Variants in LRRIQ3 observed in about 807,000 individuals in gnomAD.
LRRIQ3 encodes leucine-rich repeat and IQ domain-containing protein 3.
Under a neutral mutation model 59.3 loss-of-function variants are expected in LRRIQ3, and 75 were observed. The observed-to-expected ratio is 1.26, with a 90% confidence interval of 1.05 to 1.53. The LOEUF (loss-of-function observed/expected upper bound fraction) is 1.53. Ranked by LOEUF, LRRIQ3 falls within the 40% of genes most tolerant of loss-of-function variation. The pLI, the probability that LRRIQ3 is intolerant of heterozygous loss-of-function variation, is 0.00. For missense variants in LRRIQ3, 831 were observed against 710.0 expected (o/e 1.17, Z -1.94); for synonymous variants, 250 against 231.3 (o/e 1.08, Z -0.73).
At chr1:74,135,558 T>C (rs1394978505) in intron 4 of LRRIQ3, among the ~76,000 whole-genome samples, 1 of 151,818 alleles carries the variant, frequency 6.6e-6, no homozygotes, top group Admixed American at 6.6e-5. Context: ...TCAGTAATCA[T>C]GGTAAAATTA....
At chr1:74,037,783 C>A (rs1426076963) in intron 7 of LRRIQ3, among the ~76,000 whole-genome samples, 3 of 152,192 alleles carry the variant, frequency 2.0e-5, no homozygotes, top group Non-Finnish European at 4.4e-5. Context: ...CCCCCACACC[C>A]CAGTCAAGGG....
Position 74,153,982 on chromosome 1 carries a change from T to A in LRRIQ3, c.707+1751A>T, listed in dbSNP as rs548164724. Reference sequence around the variant, plus strand: ...TAAGGCTGGGCGCGGTAGTTCACGCTTGTAATCCCAGCACTTTGGGGGGCC... The same window carrying A: ...TAAGGCTGGGCGCGGTAGTTCACGCATGTAATCCCAGCACTTTGGGGGGCC... On this transcript the variant is annotated intron_variant, in intron 4 of 7. Transcript: ENST00000354431. Among the ~76,000 whole-genome samples the A allele has an allele frequency of 2.6e-5, 4 of 152,070 alleles. No individual in the cohort carries two copies. The South Asian group carries it at 8.3e-4, about 32-fold the overall frequency.
chr1:74,106,347 C>T (rs981888907), intron 5 of LRRIQ3, among the ~76,000 whole-genome samples: 1 of 151,664 alleles, frequency 6.6e-6, no homozygotes, highest in Non-Finnish European at 1.5e-5. Context: ...AGGAAGCTTC[C>T]GATGTATGTG....
At chr1:74,193,867 G>T (rs761111306) in intron 1 of LRRIQ3, among the ~76,000 whole-genome samples, 27 of 151,902 alleles carry the variant, frequency 1.8e-4, no homozygotes, top group Non-Finnish European at 3.7e-4. Flanking sequence ...CATAAAAAAA[G>T]AATAAAAAGT....
intron 6 of LRRIQ3, among the ~76,000 whole-genome samples, chr1:74,056,793 T>A (rs1654548457): frequency 6.6e-6 from 1 of 152,144 alleles, no homozygotes; most frequent in Non-Finnish European, 1.5e-5. Context: ...TACTACCCGA[T>A]ATGTGTCCCC....
At position 74,166,250 on chromosome 1, in the gene LRRIQ3, C is replaced by T. The variant is rs1232956476; in HGVS notation, c.574-10384G>A. ...TTTCCTTAATAGTTATACAATTATT[C>T]AAATTATCTATTTCATGGTGGGTGA... is the stretch of plus-strand genomic sequence containing the variant. On this transcript the variant is annotated intron_variant, in intron 3 of 7. Transcript: ENST00000354431. Among the ~76,000 whole-genome samples, 3 of 151,252 alleles carry T rather than the reference C, an allele frequency of 2.0e-5. No homozygotes were observed. The South Asian group carries it at 6.2e-4, about 31-fold the overall frequency.
intron 6 of LRRIQ3, among the ~76,000 whole-genome samples, chr1:74,068,196 C>G (rs1016307334): frequency 2.6e-5 from 4 of 152,052 alleles, no homozygotes; most frequent in Admixed American, 6.6e-5. Flanking sequence ...TGTTATGATA[C>G]TAATTTCTGT....
At chr1:74,161,545 G>A (rs1648658040) in intron 3 of LRRIQ3, among the ~76,000 whole-genome samples, 1 of 151,892 alleles carries the variant, frequency 6.6e-6, no homozygotes, top group African/African-American at 2.4e-5. Context: ...AAGTGCATAA[G>A]TGGTGGCAAG....
intron 5 of LRRIQ3, among the ~76,000 whole-genome samples, chr1:74,077,351 T>A (rs1186639301): frequency 1.3e-5 from 2 of 152,008 alleles, no homozygotes; most frequent in African/African-American, 4.8e-5. Flanking sequence ...CTTTCTTCTA[T>A]ATATCTCACT....
intron 7 of LRRIQ3, among the ~76,000 whole-genome samples, chr1:74,038,313 C>T (rs1408533820): frequency 6.6e-6 from 1 of 152,134 alleles, no homozygotes; most frequent in Non-Finnish European, 1.5e-5. Context: ...GCCTGATCTC[C>T]CTGGGCCTGA....
chr1:74,092,953 G>A (rs993725218), intron 5 of LRRIQ3, among the ~76,000 whole-genome samples: 3 of 151,982 alleles, frequency 2.0e-5, no homozygotes, highest in Admixed American at 6.6e-5. Flanking sequence ...GGTCACTATC[G>A]TTAATTTGGA....
intron 4 of LRRIQ3, among the ~76,000 whole-genome samples, chr1:74,112,092 A>G (rs1646703918): frequency 6.6e-6 from 1 of 152,092 alleles, no homozygotes; most frequent in Non-Finnish European, 1.5e-5. Flanking sequence ...AGGTGAGGCA[A>G]GTTGAGAAGA....
chr1:74,125,720 T>A (rs1469856590), intron 4 of LRRIQ3, among the ~76,000 whole-genome samples: 4 of 152,004 alleles, frequency 2.6e-5, no homozygotes, highest in Non-Finnish European at 4.4e-5. Context: ...TGGTGATGAA[T>A]GCTCTTTTTA....
intron 6 of LRRIQ3, among the ~76,000 whole-genome samples, chr1:74,054,401 G>A (rs964379909): frequency 2.6e-5 from 4 of 152,084 alleles, no homozygotes; most frequent in African/African-American, 9.7e-5. Flanking sequence ...TGAATAAGGA[G>A]TGTAGAAAGG....
At chr1:74,084,178 C>T in intron 5 of LRRIQ3, 1 of 1,547,042 alleles carries the variant, frequency 6.5e-7, no homozygotes, top group Non-Finnish European at 8.7e-7. Flanking sequence ...ACACATCCAG[C>T]CCACTTCAGT....
intron 5 of LRRIQ3, among the ~76,000 whole-genome samples, chr1:74,088,756 G>T (rs964575480): frequency 9.2e-5 from 14 of 151,828 alleles, no homozygotes; most frequent in African/African-American, 3.4e-4. Context: ...GGCCTCAAGT[G>T]AAAGAATGGT....
At chr1:74,115,189 A>T (rs982598058) in intron 4 of LRRIQ3, among the ~76,000 whole-genome samples, 5 of 152,116 alleles carry the variant, frequency 3.3e-5, no homozygotes, top group Non-Finnish European at 7.4e-5. Flanking sequence ...TCATTCATTC[A>T]TTCAAAAAAC....
At chr1:74,037,781 C>A (rs141355053) in intron 7 of LRRIQ3, among the ~76,000 whole-genome samples, 2 of 152,198 alleles carry the variant, frequency 1.3e-5, no homozygotes, top group Non-Finnish European at 2.9e-5. Flanking sequence ...AGCCCCCACA[C>A]CCCAGTCAAG....
intron 4 of LRRIQ3, among the ~76,000 whole-genome samples, chr1:74,116,392 C>T (rs985437850): frequency 6.6e-5 from 10 of 151,852 alleles, no homozygotes; most frequent in Admixed American, 5.3e-4. Context: ...ATTAACAGTT[C>T]TCTGAAATGA....
Sources: gnomAD v4.1 joint callset for allele counts (sites outside exome capture counted in the v4.1 genomes callset) on GRCh38, gnomAD v4.1.1 for gene constraint, MANE v1.5 for transcripts, NCBI Gene and HGNC (gene_info 2026-07-23, HGNC 2026-07-21) for gene names.